LAD1: variants seen among roughly 807,000 people sequenced by gnomAD.
LAD1 encodes the protein ladinin 1.
A neutral mutation model predicts 54.2 loss-of-function variants in LAD1; 53 were observed. That is an observed-to-expected ratio of 0.98 (90% CI 0.78 to 1.23). The LOEUF (loss-of-function observed/expected upper bound fraction) is 1.23, where lower values mean the gene tolerates loss of function less well. Among genes scored for constraint, LAD1 ranks in the 50% most tolerant of loss-of-function variants. The pLI is 0.00. For missense variants in LAD1, 637 were observed against 653.3 expected (o/e 0.98, Z 0.27); for synonymous variants, 231 against 257.7 (o/e 0.90, Z 0.99).
Position 201,386,362 on chromosome 1 carries a change from G to A in LAD1, c.999C>T (p.Ala333=), listed in dbSNP as rs753195162. The A allele has an allele frequency of 8.7e-6, 13 of 1,491,150 alleles. No homozygotes were observed. The highest frequency in any genetic ancestry group is 9.8e-6 in the Non-Finnish European group (11 of 1,122,298). 92.4% of individuals were successfully genotyped at this position (1,491,150 alleles called of 1,614,324 possible). A position where few individuals can be genotyped will look rare whatever the true frequency, so the allele number is the denominator to read the frequency against. ...GGAGTGTGACGGGTGGGAGGCGGGA[G>A]GCCACAGTCGGAGGGTCTGAAGCCC... The part of the protein sequence containing the change: ...KQGASDPPTV[A]SRLPPVTLQV... Residue 333 remains alanine (A), a synonymous_variant, in exon 3 of 10, where the codon GCC becomes GCT. Coordinates refer to ENST00000391967, the MANE Select transcript of LAD1 (RefSeq NM_005558.4).
At chr1:201,384,503 C>A (rs1048586808) in intron 5 of LAD1, among the ~76,000 whole-genome samples, 16 of 152,140 alleles carry the variant, frequency 1.1e-4, no homozygotes, top group African/African-American at 3.9e-4. Context: ...CCCCCTTTCC[C>A]TGTCCTAACC....
intron 5 of LAD1, 146 bp downstream of exon 5, chr1:201,384,646 G>T: frequency 2.6e-6 from 2 of 774,596 alleles, no homozygotes; most frequent in Non-Finnish European, 4.5e-6. Context: ...CCATCCCCCT[G>T]CCAGATCTGG....
At chr1:201,392,392 C>T (rs1333959386) in intron 1 of LAD1, among the ~76,000 whole-genome samples, 3 of 152,204 alleles carry the variant, frequency 2.0e-5, no homozygotes, top group Non-Finnish European at 4.4e-5. Flanking sequence ...AGGAAACAAG[C>T]CCATGAACAA....
chr1:201,396,218 T>C (rs1662286408), intron 1 of LAD1, among the ~76,000 whole-genome samples: 1 of 151,822 alleles, frequency 6.6e-6, no homozygotes. Context: ...TCCTTCCCTC[T>C]AGACAACCCT....
chr1:201,381,864 GC>G lies in LAD1; in HGVS notation c.*23del, dbSNP rs781683340. 1 of 1,613,566 alleles carries G rather than the reference GC, an allele frequency of 6.2e-7. No homozygotes were observed. The highest frequency in any genetic ancestry group is 1.7e-5 in the Admixed American group (1 of 60,024). ...GGGAGGTCCCTTGAGACGAAGACTT[GC>G]AGGTCTGTCTTGGCGGGGCTTGTCA... On this transcript the variant is annotated 3_prime_UTR_variant, in exon 10 of 10. Transcript: ENST00000391967.
At chr1:201,393,498 C>T (rs897393540) in intron 1 of LAD1, among the ~76,000 whole-genome samples, 1 of 152,154 alleles carries the variant, frequency 6.6e-6, no homozygotes, top group African/African-American at 2.4e-5. Context: ...GTAATCCTAG[C>T]ACTTTGAGAG....
At position 201,389,883 on chromosome 1, in the gene LAD1, T is replaced by C. The variant is rs189740698; in HGVS notation, c.39-580A>G. The stretch of plus-strand genomic sequence containing the variant: ...TGTTGAAGTGGCAATATTGTGGATA[T>C]ATTGGGGTAAATGAGCTATAATATT... On this transcript the variant is annotated intron_variant, in intron 1 of 9. Coordinates refer to ENST00000391967, the MANE Select transcript of LAD1 (RefSeq NM_005558.4). Among the ~76,000 whole-genome samples the C allele has an allele frequency of 2.6e-5, 4 of 152,276 alleles. No homozygotes were observed. The East Asian group carries it at 7.7e-4, about 29-fold the overall frequency.
At chr1:201,398,093 G>C (rs777103266) in intron 1 of LAD1, among the ~76,000 whole-genome samples, 1 of 152,184 alleles carries the variant, frequency 6.6e-6, no homozygotes, top group African/African-American at 2.4e-5. Flanking sequence ...TTGAGGGTCT[G>C]GGGAGGTGGC....
intron 1 of LAD1, among the ~76,000 whole-genome samples, chr1:201,398,906 G>C (rs1662353377): frequency 6.6e-6 from 1 of 152,182 alleles, no homozygotes; most frequent in African/African-American, 2.4e-5. Flanking sequence ...GGCAGTGAGA[G>C]AGGCTTCTCT....
rs761634034 is a variant in LAD1, at chr1:201,384,855, CATT to C, written c.1132-23_1132-21del. 50 of 1,613,362 alleles carry C rather than the reference CATT, an allele frequency of 3.1e-5. No homozygotes were observed. Among genetic ancestry groups the C allele is most frequent in the Non-Finnish European group, 4.0e-5 (47 of 1,179,874 alleles). On this transcript the variant is annotated intron_variant, in intron 4 of 9. Transcript: ENST00000391967. ...TTTCATCTGAAATGAGAAGGAAAGG[CATT>C]GTTGTGTGGGAGTCCCCGGGAAATC...
At chr1:201,384,921 A>T in intron 4 of LAD1, 86 bp from the exon 5 acceptor site, 3 of 1,309,088 alleles carry the variant, frequency 2.3e-6, no homozygotes, top group Non-Finnish European at 3.3e-6. Flanking sequence ...CTCTCAAGAC[A>T]TGTCCTCCTC....
At chr1:201,385,032 G>A (rs909477637) in intron 4 of LAD1, among the ~76,000 whole-genome samples, 197 bp from the exon 5 acceptor site, 2 of 152,228 alleles carry the variant, frequency 1.3e-5, no homozygotes, top group African/African-American at 4.8e-5. Context: ...GGAAGACACA[G>A]GTTCCCACCC....
At chr1:201,399,090 C>A (rs1028585027) in intron 1 of LAD1, among the ~76,000 whole-genome samples, 179 bp downstream of exon 1, 1 of 152,210 alleles carries the variant, frequency 6.6e-6, no homozygotes, top group Non-Finnish European at 1.5e-5. Flanking sequence ...GAAGACCCAC[C>A]CTGTAACCTC....
At position 201,399,201 on chromosome 1, in the gene LAD1, C is replaced by T. The variant is rs557065538; in HGVS notation, c.38+68G>A. ...TCCCAGGCGGGGAGGAGGCCGGTGC[C>T]CCGAGGAGAGGAGACCCAAAGGCTC... On this transcript the variant is annotated intron_variant, in intron 1 of 9. Coordinates refer to ENST00000391967, the MANE Select transcript of LAD1 (RefSeq NM_005558.4). 2.4e-4 allele frequency: 314 copies of T among 1,304,926 alleles called. No individual in the cohort carries two copies. The African/African-American group carries it at 4.1e-3, about 17-fold the overall frequency. The allele number at this position is 1,304,926 out of a possible 1,614,324, so 80.8% of individuals were successfully genotyped here.
In LAD1 at chr1:201,389,318, G is replaced by A. The variant is rs1662156092; in HGVS notation, c.39-15C>T. ...GCCGGGCAAGGCTGGGGGAGGGGAG[G>A]AGAGGGTCAGCACAGCTGGGGAAAC... On this transcript the variant is annotated splice_polypyrimidine_tract_variant and intron_variant, in intron 1 of 9. Transcript: ENST00000391967. 3.1e-6 allele frequency: 5 copies of A among 1,608,180 alleles called. No individual in the cohort carries two copies. Among genetic ancestry groups the A allele is most frequent in the African/African-American group, 1.3e-5 (1 of 75,004 alleles).
chr1:201,389,339 G>A (rs1228397554), intron 1 of LAD1, 36 bp from the exon 2 acceptor site: 1 of 1,599,116 alleles, frequency 6.3e-7, no homozygotes. Flanking sequence ...CACAGCTGGG[G>A]AAACCCAGGA....
chr1:201,389,424 G>T (rs1662159666), intron 1 of LAD1, 121 bp from the exon 2 acceptor site: 2 of 1,145,040 alleles, frequency 1.7e-6, no homozygotes, highest in Non-Finnish European at 2.4e-6. Context: ...GCTACTAGCA[G>T]CTCAGAAGTG....
At chr1:201,385,620 C>T (rs540966340) in intron 4 of LAD1, 81 bp downstream of exon 4, 11 of 1,028,496 alleles carry the variant, frequency 1.1e-5, no homozygotes, top group East Asian at 4.7e-5. Flanking sequence ...ACCTAACCTA[C>T]GGCTCCTATG....
At position 201,384,776 on chromosome 1, in the gene LAD1, C is replaced by A. The variant is rs770093885; in HGVS notation, c.1175+16G>T. 15 of 1,613,582 alleles carry A rather than the reference C, an allele frequency of 9.3e-6. No homozygotes were observed. The Admixed American group carries it at 2.5e-4, about 27-fold the overall frequency. ...CATGGCCAAATAGAAAGAACCAGAGCCTCCAGGCCCCCCACCTGCGAGTTA... is the reference window on the plus strand; with the variant it reads ...CATGGCCAAATAGAAAGAACCAGAGACTCCAGGCCCCCCACCTGCGAGTTA... On this transcript the variant is annotated intron_variant, in intron 5 of 9. Transcript: ENST00000391967.
Sources: gnomAD v4.1 joint callset for allele counts (sites outside exome capture counted in the v4.1 genomes callset) on GRCh38, gnomAD v4.1.1 for gene constraint, MANE v1.5 for transcripts, NCBI Gene and HGNC (gene_info 2026-07-23, HGNC 2026-07-21) for gene names.